Variants in PLXDC2 observed in about 807,000 individuals in gnomAD.
PLXDC2 encodes plexin domain-containing protein 2.
PLXDC2 carries 40 observed loss-of-function variants against 68.9 expected under a neutral mutation model. The ratio of observed to expected loss-of-function variants is 0.58; its 90% CI spans 0.45 to 0.76. PLXDC2 has a LOEUF of 0.76. PLXDC2 is among the 30% of genes least tolerant of loss of function. PLXDC2 has a pLI of 0.00. For missense variants in PLXDC2, 644 were observed against 661.9 expected (o/e 0.97, Z 0.30); for synonymous variants, 243 against 234.2 (o/e 1.04, Z -0.34).
At chr10:20,262,008 A>T (rs1363098159) in intron 13 of PLXDC2, among the ~76,000 whole-genome samples, 3 of 152,224 alleles carry the variant, frequency 2.0e-5, no homozygotes, top group Admixed American at 6.5e-5. Context: ...AACAGAAGGG[A>T]TGAGCAAATA....
chr10:19,934,838 C>A (rs1476159405), intron 1 of PLXDC2, among the ~76,000 whole-genome samples: 1 of 152,140 alleles, frequency 6.6e-6, no homozygotes, highest in Non-Finnish European at 1.5e-5. Flanking sequence ...TTCATCAAGA[C>A]CTGTTCCTTT....
intron 1 of PLXDC2, among the ~76,000 whole-genome samples, chr10:19,928,749 C>CTTT (rs796581734): frequency 1.6e-4 from 17 of 105,192 alleles, no homozygotes; most frequent in East Asian, 2.7e-4. Flanking sequence ...GAAGATAGGA[C>CTTT]TTTTTTTTTT....
intron 13 of PLXDC2, among the ~76,000 whole-genome samples, chr10:20,254,602 G>A (rs140746653): frequency 5.3e-5 from 8 of 152,128 alleles, no homozygotes; most frequent in Admixed American, 5.2e-4. Flanking sequence ...CTTAGCCGAA[G>A]AAAAAGATGG....
chr10:19,884,337 A>G (rs1046664466), intron 1 of PLXDC2, among the ~76,000 whole-genome samples: 2 of 152,160 alleles, frequency 1.3e-5, no homozygotes, highest in African/African-American at 4.8e-5. Context: ...ATAAACCTCT[A>G]CATCTTTACA....
intron 1 of PLXDC2, among the ~76,000 whole-genome samples, chr10:19,942,796 C>A (rs1833840244): frequency 6.6e-6 from 1 of 152,034 alleles, no homozygotes; most frequent in South Asian, 2.1e-4. Flanking sequence ...AACCAAAAAA[C>A]CGAAACAAAT....
At chr10:19,833,652 C>T (rs1190717871) in intron 1 of PLXDC2, among the ~76,000 whole-genome samples, 1 of 152,146 alleles carries the variant, frequency 6.6e-6, no homozygotes, top group Non-Finnish European at 1.5e-5. Context: ...ATACTTTGAC[C>T]TTATTAATGT....
intron 4 of PLXDC2, among the ~76,000 whole-genome samples, chr10:20,085,370 G>C (rs1440068860): frequency 6.6e-6 from 1 of 152,134 alleles, no homozygotes; most frequent in African/African-American, 2.4e-5. Context: ...GTCCTTAGCT[G>C]TTTCCTGCTT....
At chr10:19,933,047 A>G (rs1833666857) in intron 1 of PLXDC2, among the ~76,000 whole-genome samples, 1 of 152,216 alleles carries the variant, frequency 6.6e-6, no homozygotes, top group African/African-American at 2.4e-5. Context: ...ATCAGTGTCA[A>G]ACAAACAAGC....
chr10:20,106,817 T>C (rs936709471), intron 4 of PLXDC2, among the ~76,000 whole-genome samples: 1 of 152,076 alleles, frequency 6.6e-6, no homozygotes, highest in African/African-American at 2.4e-5. Flanking sequence ...ATATACTATA[T>C]ACCACATATG....
At chr10:20,042,738 G>A (rs941859029) in intron 2 of PLXDC2, among the ~76,000 whole-genome samples, 1 of 152,280 alleles carries the variant, frequency 6.6e-6, no homozygotes, top group Non-Finnish European at 1.5e-5. Context: ...CAGCATTTGG[G>A]TTAGGAATGA....
chr10:20,038,030 G>A (rs1835610230), intron 2 of PLXDC2, among the ~76,000 whole-genome samples: 1 of 151,968 alleles, frequency 6.6e-6, no homozygotes, highest in South Asian at 2.1e-4. Context: ...GGATGACGAG[G>A]TCAGGAGATT....
intron 10 of PLXDC2, among the ~76,000 whole-genome samples, chr10:20,216,407 A>G (rs1835138685): frequency 3.9e-5 from 6 of 152,140 alleles, no homozygotes; most frequent in Admixed American, 3.9e-4. Flanking sequence ...GAGGTGCAGG[A>G]ACTGGAATTT....
chr10:20,162,660 T>C (rs565412612), intron 6 of PLXDC2, among the ~76,000 whole-genome samples: 2 of 152,228 alleles, frequency 1.3e-5, no homozygotes, highest in Admixed American at 6.5e-5. Flanking sequence ...TACAAATTAC[T>C]TTCATATTAG....
intron 1 of PLXDC2, among the ~76,000 whole-genome samples, chr10:19,963,628 A>G (rs1269390978): frequency 2.0e-5 from 3 of 152,074 alleles, no homozygotes; most frequent in African/African-American, 7.2e-5. Context: ...ATAGGTGGGA[A>G]TTGAACAATG....
chr10:20,279,157 A>T (rs1177391205), intron 13 of PLXDC2, among the ~76,000 whole-genome samples: 6 of 152,214 alleles, frequency 3.9e-5, no homozygotes, highest in Non-Finnish European at 7.3e-5. Context: ...GGGTATGCTT[A>T]ACTAAATAAA....
At chr10:20,048,352 C>T (rs1257204593) in intron 3 of PLXDC2, among the ~76,000 whole-genome samples, 1 of 152,054 alleles carries the variant, frequency 6.6e-6, no homozygotes, top group Admixed American at 6.6e-5. Context: ...GCTGCCTTTC[C>T]TTGCTAAATT....
At chr10:19,869,481 A>AGG (rs1837491879) in intron 1 of PLXDC2, among the ~76,000 whole-genome samples, 5 of 13,362 alleles carry the variant, frequency 3.7e-4, no homozygotes, top group Non-Finnish European at 5.3e-4. Context: ...GGGGGGGGGG[A>AGG]GAGGGTGGGA....
intron 4 of PLXDC2, among the ~76,000 whole-genome samples, chr10:20,082,551 C>T (rs1642911682): frequency 6.6e-6 from 1 of 152,036 alleles, no homozygotes; most frequent in African/African-American, 2.4e-5. Flanking sequence ...GAGTGATTTT[C>T]AAAGGATTTT....
chr10:19,879,122 G>A (rs971433872), intron 1 of PLXDC2, among the ~76,000 whole-genome samples: 44 of 152,284 alleles, frequency 2.9e-4, no homozygotes, highest in Admixed American at 2.2e-3. Flanking sequence ...TCTTAAGCAT[G>A]CATTTAGAGG....
Sources: gnomAD v4.1 joint callset for allele counts (sites outside exome capture counted in the v4.1 genomes callset) on GRCh38, gnomAD v4.1.1 for gene constraint, MANE v1.5 for transcripts, NCBI Gene and HGNC (gene_info 2026-07-23, HGNC 2026-07-21) for gene names.